The following KANSL1L variants were observed in gnomAD, a reference collection of about 807,000 sequenced individuals.
The protein encoded by KANSL1L is KAT8 regulatory NSL complex subunit 1-like protein.
A neutral mutation model predicts 108.6 loss-of-function variants in KANSL1L; 25 were observed. The observed-to-expected ratio is 0.23, with a 90% CI of 0.17 to 0.32. The LOEUF (loss-of-function observed/expected upper bound fraction) is 0.32. Ranked by LOEUF, KANSL1L falls within the 10% of genes least tolerant of loss-of-function variation. The pLI is 1.00. For missense variants in KANSL1L, 1,137 were observed against 1,125.7 expected, an observed-to-expected ratio of 1.01 and a Z score of -0.14; for synonymous variants, 405 against 395.1, an observed-to-expected ratio of 1.03 and a Z score of -0.30.
intron 6 of KANSL1L, among the ~76,000 whole-genome samples, chr2:210,055,497 C>T (rs1559519201): frequency 6.6e-6 from 1 of 152,168 alleles, no homozygotes; most frequent in Non-Finnish European, 1.5e-5. Context: ...AAGTTTGGAA[C>T]TTCCTAGAGG....
intron 2 of KANSL1L, among the ~76,000 whole-genome samples, chr2:210,142,559 A>G (rs548867546): frequency 2.0e-5 from 3 of 152,066 alleles, no homozygotes; most frequent in African/African-American, 7.2e-5. Flanking sequence ...GCTTCCTTGA[A>G]GTATAATGTT....
intron 1 of KANSL1L, among the ~76,000 whole-genome samples, chr2:210,166,367 T>G (rs1464751101): frequency 1.3e-5 from 2 of 152,100 alleles, no homozygotes; most frequent in Admixed American, 1.3e-4. Flanking sequence ...CTTTACAAAT[T>G]AATACATAGG....
At chr2:210,077,836 T>C (rs1375610643) in intron 5 of KANSL1L, among the ~76,000 whole-genome samples, 2 of 152,190 alleles carry the variant, frequency 1.3e-5, no homozygotes, top group Non-Finnish European at 2.9e-5. Flanking sequence ...TGAGCCCTCA[T>C]CTTATGAAAT....
Position 210,044,598 on chromosome 2 carries a change from T to TTTTG in KANSL1L, c.1756-495_1756-494insCAAA, listed in dbSNP as rs2094203428. Among the ~76,000 whole-genome samples, 1 of 151,158 alleles carries TTTTG rather than the reference T, an allele frequency of 6.6e-6. No individual in the cohort carries two copies. The highest frequency in any genetic ancestry group is 2.4e-5 in the African/African-American group (1 of 41,108). ...ATGGATTGCAGGGTTTGTTTTTTTT[T>TTTTG]GGGGGGGGTATGGTTCTTTATCAGA... On this transcript the variant is annotated intron_variant, in intron 6 of 14. Coordinates refer to ENST00000281772, the MANE Select transcript of KANSL1L (RefSeq NM_152519.4). The surrounding 1 kb of genome is among the most constrained non-coding windows in gnomAD (Gnocchi z 4.2).
chr2:210,072,170 C>A (rs1030928282), intron 6 of KANSL1L, among the ~76,000 whole-genome samples: 2 of 152,082 alleles, frequency 1.3e-5, no homozygotes, highest in African/African-American at 4.8e-5. Flanking sequence ...TTTTTAGTGT[C>A]TCTTTCAATC....
chr2:210,079,601 A>T (rs1329929851), intron 5 of KANSL1L, among the ~76,000 whole-genome samples: 1 of 59,088 alleles, frequency 1.7e-5, no homozygotes, highest in Non-Finnish European at 3.8e-5. Flanking sequence ...AAAAAAAAAA[A>T]ATATGTATGT....
At chr2:210,025,638 G>T (rs1460868922) in intron 12 of KANSL1L, among the ~76,000 whole-genome samples, 1 of 152,188 alleles carries the variant, frequency 6.6e-6, no homozygotes, top group East Asian at 1.9e-4. Flanking sequence ...TGCTATCTGT[G>T]TAAGTTGAGA....
intron 8 of KANSL1L, 142 bp downstream of exon 8, chr2:210,040,278 A>G: frequency 3.2e-6 from 2 of 628,794 alleles, no homozygotes; most frequent in Non-Finnish European, 5.7e-6. Context: ...TTATGTGTAC[A>G]TGAGTTGTAA....
At chr2:210,152,796 T>G (rs1039210310) in intron 2 of KANSL1L, 2 of 152,172 alleles carry the variant, frequency 1.3e-5, no homozygotes, top group African/African-American at 4.8e-5. Flanking sequence ...CCAAAGACAA[T>G]GAGGGCTCCC....
chr2:210,054,556 G>T (rs2094328901), intron 6 of KANSL1L, among the ~76,000 whole-genome samples: 1 of 152,008 alleles, frequency 6.6e-6, no homozygotes, highest in Admixed American at 6.6e-5. Flanking sequence ...TTCAACTTCT[G>T]GGATTCTAAG....
At chr2:210,076,991 T>TA (rs1163361324) in intron 5 of KANSL1L, among the ~76,000 whole-genome samples, 1 of 152,106 alleles carries the variant, frequency 6.6e-6, no homozygotes, top group African/African-American at 2.4e-5. Flanking sequence ...TAAAATATGG[T>TA]TTTTCTATAG....
At position 210,133,158 on chromosome 2, in the gene KANSL1L, C is replaced by T. The variant is rs185516768; in HGVS notation, c.1089-3986G>A. Among the ~76,000 whole-genome samples the T allele has an allele frequency of 1.6e-4, 24 of 152,056 alleles. No individual in the cohort carries two copies. The East Asian group carries it at 4.2e-3, about 27-fold the overall frequency. On this transcript the variant is annotated intron_variant, in intron 2 of 14. Coordinates refer to ENST00000281772, the MANE Select transcript of KANSL1L (RefSeq NM_152519.4). Reference sequence around the variant, plus strand: ...GACCCCCTGAGGATACCAAAATCTGCGGAAATGGTCAAGTCCCTTATATAA... The same window carrying T: ...GACCCCCTGAGGATACCAAAATCTGTGGAAATGGTCAAGTCCCTTATATAA...
intron 3 of KANSL1L, among the ~76,000 whole-genome samples, chr2:210,121,762 G>T (rs1000105602): frequency 2.6e-5 from 4 of 152,154 alleles, no homozygotes; most frequent in Non-Finnish European, 4.4e-5. Flanking sequence ...ATCCTTGTTT[G>T]CACGTGATAT....
In KANSL1L at chr2:210,022,917, A is replaced by T. The variant is rs576309982; in HGVS notation, c.*32T>A. On this transcript the variant is annotated 3_prime_UTR_variant, in exon 15 of 15. Coordinates refer to ENST00000281772, the MANE Select transcript of KANSL1L (RefSeq NM_152519.4). Reference sequence around the variant, plus strand: ...GGCTTTATTTCCTCCCATCTTTCCTACATTTACATAGTTTTCTTAACCTGT... The same window carrying T: ...GGCTTTATTTCCTCCCATCTTTCCTTCATTTACATAGTTTTCTTAACCTGT... The T allele has an allele frequency of 1.0e-5, 15 of 1,457,378 alleles. No individual in the cohort carries two copies. The South Asian group carries it at 1.6e-4, about 16-fold the overall frequency. The allele number at this position is 1,457,378 out of a possible 1,614,324, so 90.3% of individuals were successfully genotyped here. A position where few individuals can be genotyped will look rare whatever the true frequency, so the allele number is the denominator to read the frequency against.
chr2:210,082,452 A>T (rs2094598024), intron 5 of KANSL1L, among the ~76,000 whole-genome samples: 1 of 152,230 alleles, frequency 6.6e-6, no homozygotes, highest in Admixed American at 6.5e-5. Flanking sequence ...TATCCTTAAG[A>T]TATCCTCAAA....
intron 5 of KANSL1L, among the ~76,000 whole-genome samples, chr2:210,077,431 T>C (rs1255025708): frequency 6.6e-6 from 1 of 152,118 alleles, no homozygotes. Context: ...TTCTGTCATA[T>C]CAAGGGGGAG....
Position 210,086,526 on chromosome 2 carries a change from G to A in KANSL1L, c.1551-10770C>T, listed in dbSNP as rs140434439. 9.2e-5 allele frequency among the ~76,000 whole-genome samples: 14 copies of A among 151,404 alleles called. No homozygotes were observed. The East Asian group carries it at 1.9e-3, about 21-fold the overall frequency. On this transcript the variant is annotated intron_variant, in intron 5 of 14. Coordinates refer to ENST00000281772, the MANE Select transcript of KANSL1L (RefSeq NM_152519.4). ...AAAAACTCTTGACACTTTTCTAGGC[G>A]ATATTGTTATTAAATAAAAGATAGG...
At chr2:210,063,341 G>A (rs2094437958) in intron 6 of KANSL1L, among the ~76,000 whole-genome samples, 1 of 152,230 alleles carries the variant, frequency 6.6e-6, no homozygotes, top group African/African-American at 2.4e-5. Context: ...GAGTGCAGAA[G>A]GGAAATGTGG....
chr2:210,114,388 A>T (rs1202245092), intron 3 of KANSL1L, among the ~76,000 whole-genome samples: 1 of 152,200 alleles, frequency 6.6e-6, no homozygotes, highest in East Asian at 1.9e-4. Context: ...AAGGTAAAAA[A>T]AATTAAGACA....
Sources: allele counts gnomAD v4.1 joint callset (sites outside exome capture counted in the v4.1 genomes callset), GRCh38; gene constraint gnomAD v4.1.1; non-coding constraint Gnocchi (gnomAD v3.1); transcripts MANE v1.5; gene names NCBI Gene and HGNC (gene_info 2026-07-23, HGNC 2026-07-21).